BRINP2: variants seen among roughly 807,000 people sequenced by gnomAD.
BRINP2 encodes BMP/retinoic acid inducible neural specific 2.
In BRINP2, 21 loss-of-function variants were observed where a neutral mutation model predicts 69.2. The ratio of observed to expected loss-of-function variants is 0.30; its 90% CI spans 0.22 to 0.44. The LOEUF (loss-of-function observed/expected upper bound fraction) is 0.44. Among genes scored for constraint, BRINP2 ranks in the 20% least tolerant of loss-of-function variants. The pLI is 1.00. For synonymous variants in BRINP2, 380 were observed against 394.1 expected (o/e 0.96, Z 0.42); for missense variants, 877 against 986.0 (o/e 0.89, Z 1.48).
intron 1 of BRINP2, among the ~76,000 whole-genome samples, chr1:177,222,208 A>G (rs1649558005): frequency 6.6e-6 from 1 of 152,248 alleles, no homozygotes; most frequent in Non-Finnish European, 1.5e-5. Flanking sequence ...GGATGAGTCT[A>G]TGAACTGTTT....
intron 1 of BRINP2, among the ~76,000 whole-genome samples, chr1:177,211,639 G>C (rs1215023692): frequency 6.6e-6 from 1 of 152,112 alleles, no homozygotes; most frequent in Non-Finnish European, 1.5e-5. Flanking sequence ...TGGCTTTTTG[G>C]CAGGACTATC....
intron 2 of BRINP2, among the ~76,000 whole-genome samples, chr1:177,247,669 G>T (rs912654531): frequency 3.9e-5 from 6 of 152,222 alleles, no homozygotes; most frequent in Non-Finnish European, 7.3e-5. Flanking sequence ...AATAGATCAG[G>T]AGGGCCAAAG....
chr1:177,230,251 A>C, intron 2 of BRINP2, 106 bp downstream of exon 2: 2 of 1,270,098 alleles, frequency 1.6e-6, no homozygotes, highest in Non-Finnish European at 2.2e-6. Flanking sequence ...AATGCCCTCA[A>C]ACTGAGCTAG....
At chr1:177,267,099 C>T (rs1223790010) in intron 4 of BRINP2, among the ~76,000 whole-genome samples, 2 of 152,144 alleles carry the variant, frequency 1.3e-5, no homozygotes, top group Non-Finnish European at 2.9e-5. Flanking sequence ...CTCTTCTGCT[C>T]AGTGTGTATG....
chr1:177,278,417 T>TA (rs1651572152), intron 6 of BRINP2, 146 bp from the exon 7 acceptor site: 2 of 733,326 alleles, frequency 2.7e-6, no homozygotes, highest in Admixed American at 2.3e-5. Flanking sequence ...TTGATTTTTT[T>TA]AAAAAAGCAC....
rs564685693 is a variant in BRINP2, at chr1:177,217,709, G to A, written c.-76-12092G>A. On this transcript the variant is annotated intron_variant, in intron 1 of 7. Coordinates refer to ENST00000361539, the MANE Select transcript of BRINP2 (RefSeq NM_021165.4). Reference sequence around the variant, plus strand: ...ATTCTGGATGGGTCATTCTGGATGAGTAATGATCCTGGAAAGGCAGGCTTG... The same window carrying A: ...ATTCTGGATGGGTCATTCTGGATGAATAATGATCCTGGAAAGGCAGGCTTG... Among the ~76,000 whole-genome samples, 4 of 152,260 alleles carry A rather than the reference G, an allele frequency of 2.6e-5. No homozygotes were observed. In the South Asian group the frequency reaches 6.2e-4, roughly 24 times the overall value.
At chr1:177,210,322 G>T (rs1649187467) in intron 1 of BRINP2, among the ~76,000 whole-genome samples, 1 of 152,196 alleles carries the variant, frequency 6.6e-6, no homozygotes, top group South Asian at 2.1e-4. Context: ...TAACCAAGCA[G>T]TTGGAGGTGG....
chr1:177,274,886 C>A (rs1651444856), intron 5 of BRINP2, among the ~76,000 whole-genome samples: 1 of 152,282 alleles, frequency 6.6e-6, no homozygotes, highest in South Asian at 2.1e-4. Context: ...CAAGAAAGAA[C>A]AACAAACACC....
intron 4 of BRINP2, among the ~76,000 whole-genome samples, chr1:177,261,885 C>T (rs548586413): frequency 2.0e-5 from 3 of 152,102 alleles, no homozygotes; most frequent in Non-Finnish European, 4.4e-5. Flanking sequence ...CACAAAGCCA[C>T]GTGAAGAATG....
intron 1 of BRINP2, among the ~76,000 whole-genome samples, chr1:177,203,762 G>A (rs1261395893): frequency 6.6e-6 from 1 of 152,114 alleles, no homozygotes; most frequent in Non-Finnish European, 1.5e-5. Context: ...ATAATATGCA[G>A]CCTTTTTGGA....
At chr1:177,185,250 G>A (rs972233002) in intron 1 of BRINP2, among the ~76,000 whole-genome samples, 8 of 152,022 alleles carry the variant, frequency 5.3e-5, no homozygotes, top group Non-Finnish European at 8.8e-5. Context: ...ACATTAGACC[G>A]GTCTGGAAAG....
intron 3 of BRINP2, 43 bp downstream of exon 3, chr1:177,256,152 T>C (rs1309313080): frequency 3.1e-6 from 5 of 1,596,698 alleles, no homozygotes; most frequent in Non-Finnish European, 3.4e-6. Context: ...TGCCAGACCA[T>C]TGGAAATAAC....
intron 2 of BRINP2, among the ~76,000 whole-genome samples, chr1:177,233,158 T>A (rs1044163366): frequency 8.5e-5 from 13 of 152,332 alleles, no homozygotes; most frequent in African/African-American, 2.4e-4. Context: ...CATTCTAGAA[T>A]AGCTGCAGCC....
At chr1:177,205,236 G>A (rs1440372965) in intron 1 of BRINP2, among the ~76,000 whole-genome samples, 1 of 152,068 alleles carries the variant, frequency 6.6e-6, no homozygotes. Flanking sequence ...CACCTCCTGG[G>A]TTCAAGCAAT....
At chr1:177,232,249 G>A (rs951226232) in intron 2 of BRINP2, among the ~76,000 whole-genome samples, 7 of 152,118 alleles carry the variant, frequency 4.6e-5, no homozygotes, top group Admixed American at 2.6e-4. Flanking sequence ...GTTTTCTTCC[G>A]GACAGCCTGG....
At chr1:177,260,537 AAAGG>A (rs1251513932) in intron 4 of BRINP2, among the ~76,000 whole-genome samples, 1 of 152,198 alleles carries the variant, frequency 6.6e-6, no homozygotes, top group African/African-American at 2.4e-5. Flanking sequence ...ATCTCTCATG[AAAGG>A]AAGAGTCCAT....
chr1:177,268,918 GT>G (rs1651216864), intron 4 of BRINP2, among the ~76,000 whole-genome samples: 1 of 152,188 alleles, frequency 6.6e-6, no homozygotes, highest in South Asian at 2.1e-4. Context: ...ACCTTGAGAA[GT>G]CATTGAACTC....
intron 2 of BRINP2, among the ~76,000 whole-genome samples, chr1:177,236,674 C>T (rs144945250): frequency 6.0e-4 from 91 of 152,182 alleles, no homozygotes; most frequent in Admixed American, 1.8e-3. Context: ...AGGCAAAAAC[C>T]GATGGATGAC....
chr1:177,213,210 T>C (rs543277405), intron 1 of BRINP2, among the ~76,000 whole-genome samples: 19 of 152,226 alleles, frequency 1.2e-4, no homozygotes, highest in Non-Finnish European at 2.4e-4. Context: ...TTAAAATTTG[T>C]TGGCATAAAT....
Sources: gnomAD v4.1 joint callset for allele counts (sites outside exome capture counted in the v4.1 genomes callset) on GRCh38, gnomAD v4.1.1 for gene constraint, MANE v1.5 for transcripts, NCBI Gene and HGNC (gene_info 2026-07-23, HGNC 2026-07-21) for gene names.